Variants in DHRSX observed in about 807,000 individuals in gnomAD.
DHRSX encodes the protein polyprenol dehydrogenase.
DHRSX carries 31 observed loss-of-function variants against 34.0 expected under a neutral mutation model. That is an observed-to-expected ratio of 0.91 (90% CI 0.69 to 1.23). DHRSX has a LOEUF of 1.23. DHRSX is among the 50% of genes most tolerant of loss of function. The probability of loss-of-function intolerance (pLI) is 0.00; values close to 1 mark genes in which losing one functional copy is unlikely to be tolerated. For synonymous variants in DHRSX, 201 were observed against 183.8 expected (o/e 1.09, Z -0.76); for missense variants, 414 against 428.1 (o/e 0.97, Z 0.29).
intron 6 of DHRSX, among the ~76,000 whole-genome samples, chrX:2,232,344 C>CAACAAT (rs1282250055): frequency 2.0e-5 from 3 of 151,668 alleles, no homozygotes; most frequent in African/African-American, 7.3e-5. Flanking sequence ...ACAACAACAA[C>CAACAAT]TAAAGCAACA....
intron 3 of DHRSX, among the ~76,000 whole-genome samples, chrX:2,298,933 C>T (rs1384963795): frequency 1.4e-5 from 2 of 141,238 alleles, no homozygotes; most frequent in East Asian, 2.1e-4. Context: ...TGCGGTGAGC[C>T]GAGCTCGTGC....
At chrX:2,356,243 T>TG (rs1299808118) in intron 3 of DHRSX, among the ~76,000 whole-genome samples, 9 of 151,424 alleles carry the variant, frequency 5.9e-5, no homozygotes, top group Non-Finnish European at 1.2e-4. Context: ...GGTGTGGTGG[T>TG]GGGCACCTGT....
chrX:2,283,652 C>T (rs1602867355), intron 4 of DHRSX, among the ~76,000 whole-genome samples: 1 of 152,290 alleles, frequency 6.6e-6, no homozygotes, highest in African/African-American at 2.4e-5. Flanking sequence ...GAACTGCACA[C>T]CTGGGCTTCC....
intron 6 of DHRSX, among the ~76,000 whole-genome samples, chrX:2,228,443 GGGAGGGAA>G (rs2015781856): frequency 4.6e-5 from 1 of 21,696 alleles, no homozygotes; most frequent in Non-Finnish European, 6.7e-5. Flanking sequence ...GAGGGAGGGA[GGGAGGGAA>G]GGGAGGGAGG....
chrX:2,406,835 G>T (rs763068465), intron 3 of DHRSX, among the ~76,000 whole-genome samples: 1 of 152,282 alleles, frequency 6.6e-6, no homozygotes, highest in Non-Finnish European at 1.5e-5. Flanking sequence ...AATTAGTACA[G>T]TCACTATGAA....
intron 3 of DHRSX, among the ~76,000 whole-genome samples, chrX:2,394,263 A>G (rs2043380853): frequency 6.6e-6 from 1 of 152,168 alleles, no homozygotes; most frequent in Admixed American, 6.5e-5. Context: ...GGCCCAGCTG[A>G]GACCCAGGGA....
At chrX:2,431,987 T>C (rs1375050056) in intron 1 of DHRSX, among the ~76,000 whole-genome samples, 1 of 151,914 alleles carries the variant, frequency 6.6e-6, no homozygotes, top group Non-Finnish European at 1.5e-5. Flanking sequence ...GGTCAGGAGT[T>C]CAAGACCAGC....
chrX:2,409,389 A>C (rs2043598356), intron 2 of DHRSX, among the ~76,000 whole-genome samples: 1 of 152,034 alleles, frequency 6.6e-6, no homozygotes, highest in African/African-American at 2.4e-5. Flanking sequence ...CCCATCATCT[A>C]CATTAGGTAT....
intron 3 of DHRSX, among the ~76,000 whole-genome samples, chrX:2,370,042 C>A (rs1167787254): frequency 1.3e-5 from 2 of 152,144 alleles, no homozygotes; most frequent in Non-Finnish European, 2.9e-5. Flanking sequence ...TCCCAACCTG[C>A]TCCTCACTCT....
intron 3 of DHRSX, among the ~76,000 whole-genome samples, chrX:2,347,651 G>C (rs997391840): frequency 3.9e-5 from 6 of 152,186 alleles, no homozygotes; most frequent in Non-Finnish European, 7.3e-5. Flanking sequence ...CCGAGATCAT[G>C]CCACGGCACT....
chrX:2,252,931 T>C lies in DHRSX; in HGVS notation c.597-9701A>G, dbSNP rs184142023. On this transcript the variant is annotated intron_variant, in intron 5 of 6. Coordinates refer to ENST00000334651, the MANE Select transcript of DHRSX (RefSeq NM_145177.3). ...CGGGAGTGGTGGCTCGCGCATGTAA[T>C]CTGAGCACTTAGGGGACACTAAGGC... 5.6e-3 allele frequency among the ~76,000 whole-genome samples: 826 copies of C among 146,210 alleles called. 8 individuals are homozygous for C. The highest frequency in any genetic ancestry group is 0.019 in the African/African-American group (764 of 39,404).
chrX:2,380,300 C>CAAAAA (rs60910908), intron 3 of DHRSX, among the ~76,000 whole-genome samples: 1 of 41,602 alleles, frequency 2.4e-5, no homozygotes, highest in Non-Finnish European at 4.6e-5. Context: ...GACTCCGTCT[C>CAAAAA]AAAAAAAAAA....
intron 5 of DHRSX, among the ~76,000 whole-genome samples, chrX:2,259,157 C>T (rs963815514): frequency 6.6e-6 from 1 of 151,892 alleles, no homozygotes; most frequent in Admixed American, 6.6e-5. Context: ...CCTGTAATCC[C>T]AGCTACTCAG....
intron 2 of DHRSX, among the ~76,000 whole-genome samples, chrX:2,417,336 C>A (rs1486604176): frequency 6.6e-6 from 1 of 152,196 alleles, no homozygotes; most frequent in East Asian, 1.9e-4. Flanking sequence ...CCTCAGTCAA[C>A]TAGACCTCAC....
chrX:2,378,452 C>T (rs1765240533), intron 3 of DHRSX, among the ~76,000 whole-genome samples: 1 of 152,148 alleles, frequency 6.6e-6, no homozygotes, highest in South Asian at 2.1e-4. Context: ...TTCTCTTCCT[C>T]CTCCTCCTCA....
At chrX:2,471,787 G>A (rs1308399468) in intron 1 of DHRSX, among the ~76,000 whole-genome samples, 3 of 152,030 alleles carry the variant, frequency 2.0e-5, no homozygotes, top group Non-Finnish European at 2.9e-5. Flanking sequence ...TCAAAACAAC[G>A]CCATGTAAAC....
chrX:2,407,590 T>C (rs2043572457), intron 3 of DHRSX, among the ~76,000 whole-genome samples: 1 of 152,202 alleles, frequency 6.6e-6, no homozygotes, highest in Admixed American at 6.5e-5. Context: ...GATAAGAGAA[T>C]CTGGCTGCCT....
chrX:2,461,748 G>A (rs2044405167), intron 1 of DHRSX, among the ~76,000 whole-genome samples: 1 of 152,066 alleles, frequency 6.6e-6, no homozygotes, highest in Non-Finnish European at 1.5e-5. Flanking sequence ...TCTCTCGCTT[G>A]GTTTCCCAGG....
At chrX:2,451,621 C>T (rs192038272) in intron 1 of DHRSX, among the ~76,000 whole-genome samples, 168 of 152,288 alleles carry the variant, frequency 1.1e-3, no homozygotes, top group Non-Finnish European at 1.8e-3. Context: ...GAGACGGCCA[C>T]GTGCAGAGAG....
Sources: allele counts gnomAD v4.1 joint callset (sites outside exome capture counted in the v4.1 genomes callset), GRCh38; gene constraint gnomAD v4.1.1; transcripts MANE v1.5; gene names NCBI Gene and HGNC (gene_info 2026-07-23, HGNC 2026-07-21).